AGMO: variants seen among roughly 807,000 people sequenced by gnomAD.
The protein encoded by AGMO is glyceryl-ether monooxygenase.
Under a neutral mutation model 60.2 loss-of-function variants are expected in AGMO, and 75 were observed. The ratio of observed to expected loss-of-function variants is 1.25; its 90% CI spans 1.03 to 1.51. AGMO has a LOEUF of 1.51. Among genes scored for constraint, AGMO ranks in the 40% most tolerant of loss-of-function variants. AGMO has a pLI of 0.00. For missense variants in AGMO, 763 were observed against 525.5 expected, an observed-to-expected ratio of 1.45 and a Z score of -4.42; for synonymous variants, 261 against 177.1, an observed-to-expected ratio of 1.47 and a Z score of -3.76.
At chr7:15,192,671 AC>A in the AGMO span, among the ~76,000 whole-genome samples, 3 of 152,108 alleles carry the variant, frequency 2.0e-5, no homozygotes, top group Admixed American at 1.3e-4. Context: ...CCATCCCTAG[AC>A]AGCAACTGCT....
Position 15,431,051 on chromosome 7 carries a change from A to T in AGMO, c.467T>A (p.Leu156Ter), listed in dbSNP as rs1470387483. The T allele has an allele frequency of 6.2e-7, 1 of 1,611,274 alleles. No individual in the cohort carries two copies. The highest frequency in any genetic ancestry group is 2.2e-5 in the East Asian group (1 of 44,748). ...GACAGACTGTCTCAGTGCTGTGGAT[A>T]AGTTATAGTCTTCAGAACTATGATG... Reference protein sequence around the residue: ...QTHHSSEDYNLSTALRQSVLQ... With the variant: ...QTHHSSEDYN Residue 156 changes from leucine (L) to a stop codon, truncating the protein, a stop_gained, in exon 4 of 13, where the codon TTA becomes TAA. Transcript: ENST00000342526. LOFTEE classifies it high-confidence loss of function.
intron 3 of AGMO, among the ~76,000 whole-genome samples, chr7:15,459,878 T>C (rs1164485063): frequency 1.3e-5 from 2 of 152,114 alleles, no homozygotes; most frequent in Admixed American, 1.3e-4. Context: ...TTCTATCAGA[T>C]ACCATGTTTT....
intron 12 of AGMO, among the ~76,000 whole-genome samples, chr7:15,227,203 A>C (rs560697788): frequency 2.0e-5 from 3 of 152,204 alleles, no homozygotes; most frequent in African/African-American, 7.2e-5. Flanking sequence ...GCAGTCTAAC[A>C]TAAGAGTATA....
chr7:15,402,189 A>G (rs1784567311), intron 5 of AGMO, among the ~76,000 whole-genome samples: 1 of 152,116 alleles, frequency 6.6e-6, no homozygotes, highest in African/African-American at 2.4e-5. Flanking sequence ...AGTGTAAGCC[A>G]AGTCTAAAAT....
At chr7:15,371,249 T>C (rs1293026832) in intron 10 of AGMO, among the ~76,000 whole-genome samples, 1 of 152,144 alleles carries the variant, frequency 6.6e-6, no homozygotes, top group Non-Finnish European at 1.5e-5. Context: ...AACAGAGTTT[T>C]ACTCCCATCA....
At chr7:15,539,074 A>G (rs1784551252) in intron 3 of AGMO, among the ~76,000 whole-genome samples, 1 of 152,190 alleles carries the variant, frequency 6.6e-6, no homozygotes, top group South Asian at 2.1e-4. Context: ...CTCAGAATGA[A>G]ATATAATAGT....
At chr7:15,221,706 G>A (rs892688979) in intron 12 of AGMO, among the ~76,000 whole-genome samples, 3 of 152,098 alleles carry the variant, frequency 2.0e-5, no homozygotes, top group African/African-American at 7.2e-5. Flanking sequence ...TTGTTCAAAT[G>A]AATGTTAAAC....
Position 15,561,756 on chromosome 7 carries a change from G to A in AGMO, c.90C>T (p.Phe30=), listed in dbSNP as rs575824780. 3.5e-5 allele frequency: 57 copies of A among 1,611,400 alleles called. No homozygotes were observed. The African/African-American group carries it at 5.1e-4, about 14-fold the overall frequency. Residue 30 remains phenylalanine (F), a synonymous_variant, in exon 1 of 13, where the codon TTC becomes TTT. Coordinates refer to ENST00000342526, the MANE Select transcript of AGMO (RefSeq NM_001004320.2). ...AATCAGGCACCTCTTCTAATGTTTG[G>A]AATGAAGTTTCACTGGGTTTCATCG... ...FYTMKPSETS[F]QTLEEVPDYV... is the part of the protein sequence containing the mutation.
chr7:15,397,216 G>A (rs906324642), intron 5 of AGMO, among the ~76,000 whole-genome samples: 2 of 152,158 alleles, frequency 1.3e-5, no homozygotes, highest in Admixed American at 6.5e-5. Flanking sequence ...CCTGGCCTAC[G>A]ACCCCGCGAA....
At chr7:15,496,674 T>A (rs1783241505) in intron 3 of AGMO, among the ~76,000 whole-genome samples, 2 of 152,184 alleles carry the variant, frequency 1.3e-5, no homozygotes, top group South Asian at 2.1e-4. Flanking sequence ...TGGGTGGTTA[T>A]GTGAGTGTTT....
intron 3 of AGMO, among the ~76,000 whole-genome samples, chr7:15,471,240 T>C (rs138153824): frequency 1.6e-4 from 25 of 152,094 alleles, no homozygotes; most frequent in Non-Finnish European, 3.5e-4. Context: ...GGTGAGCTAT[T>C]AAATACCTTG....
the AGMO span, among the ~76,000 whole-genome samples, chr7:15,191,973 TCACACACA>T: frequency 1.3e-3 from 190 of 144,826 alleles, 2 homozygotes; most frequent in African/African-American, 4.4e-3. Context: ...TGTCTCTCTC[TCACACACA>T]CACACACACA....
chr7:15,530,768 C>G (rs1481118918), intron 3 of AGMO, among the ~76,000 whole-genome samples: 1 of 134,686 alleles, frequency 7.4e-6, no homozygotes, highest in African/African-American at 2.7e-5. Flanking sequence ...TCTATATATA[C>G]ATTTCTATAT....
At chr7:15,337,308 A>G (rs1323613544) in intron 12 of AGMO, among the ~76,000 whole-genome samples, 3 of 152,204 alleles carry the variant, frequency 2.0e-5, no homozygotes, top group Non-Finnish European at 4.4e-5. Flanking sequence ...TTACTTTTTA[A>G]TAACAGAATA....
At chr7:15,207,368 G>A (rs957802397) in intron 12 of AGMO, among the ~76,000 whole-genome samples, 8 of 151,968 alleles carry the variant, frequency 5.3e-5, no homozygotes, top group Non-Finnish European at 8.8e-5. Context: ...TTAAAAGATG[G>A]CCCTAAAAAT....
At chr7:15,441,163 T>G (rs1408648389) in intron 3 of AGMO, among the ~76,000 whole-genome samples, 5 of 152,148 alleles carry the variant, frequency 3.3e-5, no homozygotes, top group Non-Finnish European at 7.4e-5. Flanking sequence ...AACAGGCCAG[T>G]GAAGAAATAT....
At chr7:15,366,019 C>A in intron 11 of AGMO, 121 bp downstream of exon 11, 1 of 697,260 alleles carries the variant, frequency 1.4e-6, no homozygotes, top group Non-Finnish European at 2.3e-6. Context: ...AGTCAAATAC[C>A]AAAATTTTAT....
rs545005859 is a variant in AGMO at position 15,259,010 on chromosome 7, C to T, written c.1264-57651G>A. Among the ~76,000 whole-genome samples the T allele has an allele frequency of 8.6e-5, 13 of 152,030 alleles. No individual in the cohort carries two copies. The South Asian group carries it at 2.1e-3, about 24-fold the overall frequency. On this transcript the variant is annotated intron_variant, in intron 12 of 12. Coordinates refer to ENST00000342526, the MANE Select transcript of AGMO (RefSeq NM_001004320.2). ...TATGACAAAAGAAGGTTGTTTCACA[C>T]CCCCAAAAGATCATCTCAGCTCACC... is the stretch of plus-strand genomic sequence containing the variant.
the AGMO span, among the ~76,000 whole-genome samples, chr7:15,131,262 G>A: frequency 6.6e-6 from 1 of 152,066 alleles, no homozygotes; most frequent in Admixed American, 6.6e-5. Context: ...TAAAGTTGCT[G>A]AATTATTTGC....
Sources: gnomAD v4.1 joint callset for allele counts (sites outside exome capture counted in the v4.1 genomes callset) on GRCh38, gnomAD v4.1.1 for gene constraint, MANE v1.5 for transcripts, NCBI Gene and HGNC (gene_info 2026-07-23, HGNC 2026-07-21) for gene names.